The following PARP2 variants were observed in gnomAD, a reference collection of about 807,000 sequenced individuals.
The protein encoded by PARP2 is poly(ADP-ribose) polymerase 2, also known as poly [ADP-ribose] polymerase 2.
In PARP2, 57 loss-of-function variants were observed where a neutral mutation model predicts 77.8. The ratio of observed to expected loss-of-function variants is 0.73; its 90% confidence interval spans 0.59 to 0.91. The LOEUF (loss-of-function observed/expected upper bound fraction) is 0.91. Among genes scored for constraint, PARP2 ranks in the 40% least tolerant of loss-of-function variants. The pLI, the probability that PARP2 is intolerant of heterozygous loss-of-function variation, is 0.00. For missense variants in PARP2, 651 were observed against 689.0 expected (o/e 0.94, Z 0.62); for synonymous variants, 226 against 242.6 (o/e 0.93, Z 0.64).
At position 20,345,118 on chromosome 14, in the gene PARP2, G is replaced by C. The variant is rs745355084; in HGVS notation, c.202+31G>C. ...CCAGGAAGGTCATGGGCCAGCAAAA[G>C]GGTCTCTGGTAGGAGTGGATCTGGG... On this transcript the variant is annotated intron_variant, in intron 2 of 15. Coordinates refer to ENST00000429687, the MANE Select transcript of PARP2 (RefSeq NM_001042618.2). 1.9e-6 allele frequency: 3 copies of C among 1,612,954 alleles called. No individual in the cohort carries two copies. The South Asian group carries it at 3.3e-5, about 18-fold the overall frequency.
At chr14:20,357,307 A>G (rs1884193775) in intron 14 of PARP2, 89 bp from the exon 15 acceptor site, 1 of 1,469,578 alleles carries the variant, frequency 6.8e-7, no homozygotes, top group Non-Finnish European at 9.3e-7. Context: ...GGAGTAGGGG[A>G]AAAAAGTACT....
At chr14:20,350,443 C>T (rs3093902) in intron 4 of PARP2, 83 bp from the exon 5 acceptor site, 2 of 665,670 alleles carry the variant, frequency 3.0e-6, no homozygotes, top group East Asian at 2.6e-5. Flanking sequence ...TAACTGGCAC[C>T]TGTGACGAAG....
At position 20,357,466 on chromosome 14, in the gene PARP2, A is replaced by G. The variant is rs1238732396; in HGVS notation, c.1499A>G (p.His500Arg). ...GCCGAAGGATTGCTTCAAGGTAAAC[A>G]TAGCACCAAGGGGCTGGGCAAGATG... ...PKAEGLLQGK[H>R]STKGLGKMAP... The change falls in exon 15 of 16, where the codon CAT becomes CGT. Residue 500 changes from histidine to arginine, a missense_variant. Transcript: ENST00000429687. The G allele has an allele frequency of 5.0e-6, 8 of 1,614,036 alleles. No homozygotes were observed. In the South Asian group the frequency reaches 5.5e-5, roughly 11 times the overall value.
chr14:20,347,611 A>C (rs909453760), intron 4 of PARP2, among the ~76,000 whole-genome samples: 2 of 148,206 alleles, frequency 1.3e-5, no homozygotes, highest in Non-Finnish European at 3.0e-5. Flanking sequence ...GGGTTTCACC[A>C]TGTTGGCCAG....
intron 3 of PARP2, 24 bp from the exon 4 acceptor site, chr14:20,346,839 T>C (rs1161559710): frequency 1.3e-6 from 2 of 1,555,140 alleles, no homozygotes; most frequent in Non-Finnish European, 8.8e-7. Context: ...CTAATGTTGA[T>C]TTTTTCTCTC....
chr14:20,349,583 GA>G (rs1289379676), intron 4 of PARP2, among the ~76,000 whole-genome samples: 1 of 151,916 alleles, frequency 6.6e-6, no homozygotes, highest in Non-Finnish European at 1.5e-5. Flanking sequence ...TGAGGCACAA[GA>G]AATTGCTTGA....
chr14:20,354,552 C>T, intron 8 of PARP2: 1 of 529,468 alleles, frequency 1.9e-6, no homozygotes, highest in Non-Finnish European at 3.3e-6. Context: ...GAAAAATTAG[C>T]CAGGCATGGT....
chr14:20,346,674 G>T, intron 3 of PARP2, 189 bp from the exon 4 acceptor site: 1 of 513,486 alleles, frequency 1.9e-6, no homozygotes, highest in Non-Finnish European at 3.5e-6. Context: ...AAGGAAGCAT[G>T]TTTTCATTTA....
chr14:20,346,531 A>G (rs1472861337), intron 3 of PARP2: 2 of 200,554 alleles, frequency 1.0e-5, no homozygotes, highest in Non-Finnish European at 2.1e-5. Flanking sequence ...ACGGGGCTTC[A>G]CCATGTTGGC....
At chr14:20,352,415 C>T in intron 7 of PARP2, 68 bp downstream of exon 7, 1 of 982,668 alleles carries the variant, frequency 1.0e-6, no homozygotes, top group Non-Finnish European at 1.6e-6. Context: ...AGAGGCAAAA[C>T]TGTGCTCTGT....
chr14:20,352,568 T>TTTTTTTTTTTTG (rs10695113), intron 7 of PARP2: 30,766 of 293,722 alleles, frequency 0.1, 2,517 homozygotes, highest in South Asian at 0.15. Context: ...CTTTTTTTTT[T>TTTTTTTTTTTTG]GTAAAGATGA....
chr14:20,353,355 C>G (rs908978582), intron 7 of PARP2, among the ~76,000 whole-genome samples: 27 of 152,094 alleles, frequency 1.8e-4, no homozygotes, highest in Admixed American at 2.6e-4. Flanking sequence ...ATTCTCCTGC[C>G]TCAGCCTCCG....
In PARP2 at chr14:20,356,526, T is replaced by A. The variant is rs1181447373; in HGVS notation, c.1230-64T>A. ...GAGGGAGTCAGAGGAAGGTGTTGGC[T>A]TTTTTATGCTTATGGCCTATCTGTG... On this transcript the variant is annotated intron_variant, in intron 12 of 15. Transcript: ENST00000429687. 1.9e-6 allele frequency: 3 copies of A among 1,601,048 alleles called. No homozygotes were observed. In the African/African-American group the frequency reaches 4.0e-5, roughly 21 times the overall value.
rs759889182 is a variant in PARP2 at position 20,356,709 on chromosome 14, G to T, written c.1329+20G>T. 6.4e-7 allele frequency: 1 copy of T among 1,555,084 alleles called. No homozygotes were observed. The highest frequency in any genetic ancestry group is 8.9e-7 in the Non-Finnish European group (1 of 1,126,090). On this transcript the variant is annotated intron_variant, in intron 13 of 15. Transcript: ENST00000429687. ...TACATGGTGAGTGAAATTGAACTCTGGGAGGAGCACAGGGGAAAGGGATAC... is the reference window on the plus strand; with the variant it reads ...TACATGGTGAGTGAAATTGAACTCTTGGAGGAGCACAGGGGAAAGGGATAC...
In PARP2 at chr14:20,356,386, TGGA is replaced by T. The variant is rs781725799; in HGVS notation, c.1183_1185del (p.Glu395del). Reference sequence around the variant, plus strand: ...ATGACCTTGCTGGATTTGTTTGAAGTGGAGAAGGATGGTGAGAAAGAAGCCTTC... The same window carrying T: ...ATGACCTTGCTGGATTTGTTTGAAGTGAAGGATGGTGAGAAAGAAGCCTTC... On this transcript the variant is annotated inframe_deletion, in exon 12 of 16. Coordinates refer to ENST00000429687, the MANE Select transcript of PARP2 (RefSeq NM_001042618.2). 19 of 1,613,946 alleles carry T rather than the reference TGGA, an allele frequency of 1.2e-5. No homozygotes were observed. The highest frequency in any genetic ancestry group is 1.5e-5 in the Non-Finnish European group (18 of 1,179,962).
In PARP2 at chr14:20,354,031, A is replaced by C; in HGVS notation, c.601-54A>C. 6 of 1,385,172 alleles carry C rather than the reference A, an allele frequency of 4.3e-6. 1 individual carries two copies. The South Asian group carries it at 5.9e-5, about 14-fold the overall frequency. 85.8% of individuals were successfully genotyped at this position (1,385,172 alleles called of 1,614,324 possible). A position where few individuals can be genotyped will look rare whatever the true frequency, so the allele number is the denominator to read the frequency against. ...TTGTATAATATTGGGTGTTATAAGGAATCTAGAGATGATTTCTTAGATTGT... is the reference window on the plus strand; with the variant it reads ...TTGTATAATATTGGGTGTTATAAGGCATCTAGAGATGATTTCTTAGATTGT... On this transcript the variant is annotated intron_variant, in intron 7 of 15. Transcript: ENST00000429687.
In PARP2 at chr14:20,357,512, C is replaced by T. The variant is rs761642931; in HGVS notation, c.1545C>T (p.Phe515=). The part of the protein sequence containing the change: ...LGKMAPSSAH[F]VTLNGSTVPL... ...AGATGGCTCCCAGTTCTGCCCACTTCGTCACCCTGTAAGTACTCAGAACCA... is the reference window on the plus strand; with the variant it reads ...AGATGGCTCCCAGTTCTGCCCACTTTGTCACCCTGTAAGTACTCAGAACCA... The change falls in exon 15 of 16, where the codon TTC becomes TTT. Residue 515 remains phenylalanine, a synonymous_variant. Coordinates refer to ENST00000429687, the MANE Select transcript of PARP2 (RefSeq NM_001042618.2). The T allele has an allele frequency of 1.4e-5, 23 of 1,610,532 alleles. No homozygotes were observed. In the East Asian group the frequency reaches 2.7e-4, roughly 19 times the overall value.
At chr14:20,352,210 A>G in intron 6 of PARP2, 35 bp from the exon 7 acceptor site, 1 of 1,187,286 alleles carries the variant, frequency 8.4e-7, no homozygotes, top group South Asian at 1.2e-5. Flanking sequence ...GTAGACCTTT[A>G]TTTGTAAAGT....
At chr14:20,347,188 C>G (rs1174913065) in intron 4 of PARP2, among the ~76,000 whole-genome samples, 1 of 144,348 alleles carries the variant, frequency 6.9e-6, no homozygotes, top group East Asian at 2.1e-4. Flanking sequence ...ACCACCACTC[C>G]CAGCTAATTT....
Sources: allele counts gnomAD v4.1 joint callset (sites outside exome capture counted in the v4.1 genomes callset), GRCh38; gene constraint gnomAD v4.1.1; transcripts MANE v1.5; gene names NCBI Gene and HGNC (gene_info 2026-07-23, HGNC 2026-07-21).